Variants in UBE3C observed in about 807,000 individuals in gnomAD.
UBE3C encodes ubiquitin protein ligase E3C.
Under a neutral mutation model 129.4 loss-of-function variants are expected in UBE3C, and 42 were observed. The observed-to-expected ratio is 0.32, with a 90% confidence interval of 0.25 to 0.42. The LOEUF (loss-of-function observed/expected upper bound fraction) is 0.42, where lower values mean the gene tolerates loss of function less well. Ranked by LOEUF, UBE3C falls within the 10% of genes least tolerant of loss-of-function variation. The pLI is 1.00. For missense variants in UBE3C, 1,049 were observed against 1,319.1 expected (o/e 0.80, Z 3.17); for synonymous variants, 510 against 492.4 (o/e 1.04, Z -0.47).
At chr7:157,200,122 A>T (rs1420136645) in intron 10 of UBE3C, among the ~76,000 whole-genome samples, 1 of 152,156 alleles carries the variant, frequency 6.6e-6, no homozygotes, top group Non-Finnish European at 1.5e-5. Flanking sequence ...TTATGCAAAC[A>T]TTGCTTTTAG....
intron 10 of UBE3C, among the ~76,000 whole-genome samples, chr7:157,201,446 C>CTTTCA (rs1586684234): frequency 1.6e-5 from 2 of 121,250 alleles, no homozygotes; most frequent in East Asian, 5.7e-4. Flanking sequence ...CAGCTTATAT[C>CTTTCA]TTTATCTTTT....
chr7:157,149,543 G>A (rs1042859828), intron 1 of UBE3C, among the ~76,000 whole-genome samples: 1 of 152,074 alleles, frequency 6.6e-6, no homozygotes, highest in African/African-American at 2.4e-5. Flanking sequence ...ACCCTGCACT[G>A]GCACATCCCT....
intron 17 of UBE3C, among the ~76,000 whole-genome samples, chr7:157,230,874 G>A (rs193161210): frequency 3.3e-3 from 500 of 152,194 alleles, no homozygotes; most frequent in Non-Finnish European, 3.6e-3. Flanking sequence ...GCAGTGAGCC[G>A]AGATCGTGCC....
chr7:157,177,354 A>G (rs1225879378), intron 5 of UBE3C, among the ~76,000 whole-genome samples: 1 of 152,152 alleles, frequency 6.6e-6, no homozygotes, highest in Non-Finnish European at 1.5e-5. Flanking sequence ...TTGTCTCTTG[A>G]CAATATGGAT....
At chr7:157,145,265 C>T (rs1427926164) in intron 1 of UBE3C, among the ~76,000 whole-genome samples, 1 of 151,604 alleles carries the variant, frequency 6.6e-6, no homozygotes, top group Non-Finnish European at 1.5e-5. Flanking sequence ...AAGGAGGAGG[C>T]CCGGCACTTT....
Position 157,223,318 on chromosome 7 carries a change from GC to G in UBE3C, c.2069del (p.Pro690LeufsTer10). On this transcript the variant is annotated frameshift_variant, in exon 16 of 23. Transcript: ENST00000348165. LOFTEE classifies it high-confidence loss of function. ...ERQLAVLTEL[P>X]FVVPFEERVK... ...GACAGCTTGCTGTCCTGACAGAGTT[GC>G]CTTTTGTGGTTCCATTTGAGGAACG... 1 of 1,613,796 alleles carries G rather than the reference GC, an allele frequency of 6.2e-7. No individual in the cohort carries two copies.
At chr7:157,143,332 T>C (rs1807510580) in intron 1 of UBE3C, among the ~76,000 whole-genome samples, 1 of 152,170 alleles carries the variant, frequency 6.6e-6, no homozygotes, top group African/African-American at 2.4e-5. Context: ...GGACTAAAAC[T>C]AGCTTAGTAG....
intron 14 of UBE3C, among the ~76,000 whole-genome samples, chr7:157,219,852 T>C (rs1033619792): frequency 1.3e-5 from 2 of 150,990 alleles, no homozygotes; most frequent in Non-Finnish European, 2.9e-5. Flanking sequence ...TGAGCCAAGA[T>C]CAGGCCACTG....
chr7:157,248,344 C>T (rs1563074062), intron 18 of UBE3C, 24 bp from the exon 19 acceptor site: 17 of 1,603,010 alleles, frequency 1.1e-5, no homozygotes, highest in South Asian at 1.1e-5. Flanking sequence ...TCGATGCTAA[C>T]GTTGTCACTG....
At chr7:157,172,330 AGC>A (rs1808400629) in intron 4 of UBE3C, among the ~76,000 whole-genome samples, 1 of 152,158 alleles carries the variant, frequency 6.6e-6, no homozygotes, top group Non-Finnish European at 1.5e-5. Context: ...CACCACACCC[AGC>A]CAGGTTAAAT....
chr7:157,241,040 C>G (rs113993803), intron 18 of UBE3C, among the ~76,000 whole-genome samples: 1 of 151,996 alleles, frequency 6.6e-6, no homozygotes, highest in Non-Finnish European at 1.5e-5. Context: ...GGGATTTTAG[C>G]GGGAGGGAAG....
chr7:157,267,557 G>A (rs1462076390), intron 22 of UBE3C, 28 bp from the exon 23 acceptor site: 1 of 1,610,796 alleles, frequency 6.2e-7, no homozygotes, highest in Admixed American at 1.7e-5. Context: ...TTGTTACAGT[G>A]ACATCTTGCA....
At chr7:157,262,058 A>G (rs71538011) in intron 22 of UBE3C, among the ~76,000 whole-genome samples, 13,761 of 152,272 alleles carry the variant, frequency 0.09, 826 homozygotes, top group Non-Finnish European at 0.12. Flanking sequence ...TCATTTATCC[A>G]GTGACTTTGC....
chr7:157,247,361 C>T (rs1253739084), intron 18 of UBE3C, among the ~76,000 whole-genome samples: 1 of 152,198 alleles, frequency 6.6e-6, no homozygotes, highest in Non-Finnish European at 1.5e-5. Context: ...CTAGTAAGTG[C>T]TCAAGGAATG....
intron 5 of UBE3C, among the ~76,000 whole-genome samples, chr7:157,178,003 A>AT (rs2116910517): frequency 6.6e-6 from 1 of 152,168 alleles, no homozygotes; most frequent in African/African-American, 2.4e-5. Context: ...AAATCTAAAA[A>AT]TAAGTTCGGT....
intron 13 of UBE3C, among the ~76,000 whole-genome samples, chr7:157,211,885 A>G (rs1047311053): frequency 3.9e-4 from 60 of 152,326 alleles, no homozygotes; most frequent in Admixed American, 1.3e-4. Context: ...TGACAGTGGG[A>G]AACAGCAAAC....
In UBE3C at chr7:157,262,409, C is replaced by CTTTTTTTTTTTTT. The variant is rs371300314; in HGVS notation, c.3082-5161_3082-5149dup. On this transcript the variant is annotated intron_variant, in intron 22 of 22. Coordinates refer to ENST00000348165, the MANE Select transcript of UBE3C (RefSeq NM_014671.3). Reference sequence around the variant, plus strand: ...AGAATCATGTAAGTCTCTTCATAGGCTTTTTTTTTTTTTTTTTTTTTTTTT... The same window carrying CTTTTTTTTTTTTT: ...AGAATCATGTAAGTCTCTTCATAGGCTTTTTTTTTTTTTTTTTTTTTTTTTTTTTTTTTTTTTT... 4.8e-4 allele frequency among the ~76,000 whole-genome samples: 26 copies of CTTTTTTTTTTTTT among 54,038 alleles called. 9 individuals carry two copies. The highest frequency in any genetic ancestry group is 1.4e-3 in the East Asian group (2 of 1,414). 35.5% of individuals were successfully genotyped at this position (54,038 alleles called of 152,430 possible).
intron 1 of UBE3C, among the ~76,000 whole-genome samples, chr7:157,149,997 A>G (rs1807714055): frequency 6.6e-6 from 1 of 152,212 alleles, no homozygotes; most frequent in Non-Finnish European, 1.5e-5. Context: ...GATGGTGGTC[A>G]AATTACAGGC....
chr7:157,181,422 C>A, intron 6 of UBE3C, 96 bp from the exon 7 acceptor site: 1 of 1,095,732 alleles, frequency 9.1e-7, no homozygotes, highest in Non-Finnish European at 1.3e-6. Flanking sequence ...TAAGTTTGGA[C>A]CTGTAGAGAT....
Sources: allele counts gnomAD v4.1 joint callset (sites outside exome capture counted in the v4.1 genomes callset), GRCh38; gene constraint gnomAD v4.1.1; transcripts MANE v1.5; gene names NCBI Gene and HGNC (gene_info 2026-07-23, HGNC 2026-07-21).